FTSJ3: variants seen among roughly 807,000 people sequenced by gnomAD.
The protein encoded by FTSJ3 is pre-rRNA 2'-O-ribose RNA methyltransferase FTSJ3.
FTSJ3 carries 46 observed loss-of-function variants against 111.5 expected under a neutral mutation model. The observed-to-expected ratio is 0.41, with a 90% CI of 0.33 to 0.53. The LOEUF (loss-of-function observed/expected upper bound fraction) is 0.53. FTSJ3 is among the 20% of genes least tolerant of loss of function. The pLI is 0.19. For missense variants in FTSJ3, 1,075 were observed against 1,063.8 expected (o/e 1.01, Z -0.15); for synonymous variants, 408 against 383.0 (o/e 1.07, Z -0.76).
At chr17:63,825,902 G>T in intron 5 of FTSJ3, 154 bp downstream of exon 5, 1 of 683,744 alleles carries the variant, frequency 1.5e-6, no homozygotes, top group East Asian at 2.5e-5. Flanking sequence ...ATAAAGCCTG[G>T]AGTGGACACT....
At position 63,821,345 on chromosome 17, in the gene FTSJ3, A is replaced by C. The variant is rs1022184468; in HGVS notation, c.1886+9T>G. ...CTTTCCATCCCTTCTCTCAGCTGCAACTACTCACCTCTCTTCTTCCTCACT... is the reference window on the plus strand; with the variant it reads ...CTTTCCATCCCTTCTCTCAGCTGCACCTACTCACCTCTCTTCTTCCTCACT... On this transcript the variant is annotated intron_variant, in intron 16 of 20. Coordinates refer to ENST00000427159, the MANE Select transcript of FTSJ3 (RefSeq NM_017647.4). 1 of 1,594,304 alleles carries C rather than the reference A, an allele frequency of 6.3e-7. No individual in the cohort carries two copies. The highest frequency in any genetic ancestry group is 8.6e-7 in the Non-Finnish European group (1 of 1,169,546).
Position 63,824,699 on chromosome 17 carries a change from A to G in FTSJ3, c.855T>C (p.Ala285=), listed in dbSNP as rs1205547343. 5.6e-6 allele frequency: 9 copies of G among 1,614,042 alleles called. No homozygotes were observed. The highest frequency in any genetic ancestry group is 6.8e-6 in the Non-Finnish European group (8 of 1,180,012). Residue 285 remains alanine, a synonymous_variant, in exon 10 of 21, where the codon GCT becomes GCC. Coordinates refer to ENST00000427159, the MANE Select transcript of FTSJ3 (RefSeq NM_017647.4). ...AGCACACCCGTATGTCCTCAGTGGT[A>G]GCTGGATGCTGTGCCAACTCTTCAT... ...VDDEELAQHP[A]TTEDIRVCCQ... is the part of the protein sequence containing the mutation.
At chr17:63,823,616 A>G (rs1555576745) in intron 13 of FTSJ3, 2 of 567,854 alleles carry the variant, frequency 3.5e-6, no homozygotes, top group Non-Finnish European at 6.2e-6. Context: ...AAATAAATCT[A>G]TCACACTCAT....
rs769382758 is a variant in FTSJ3 at position 63,826,111 on chromosome 17, G to A, written c.245C>T (p.Pro82Leu). The A allele has an allele frequency of 1.2e-6, 2 of 1,614,002 alleles. No homozygotes were observed. The highest frequency in any genetic ancestry group is 1.6e-4 in the Middle Eastern group (1 of 6,062). The change falls in exon 5 of 21, where the codon CCT becomes CTT. Residue 82 changes from proline (P) to leucine (L), a missense_variant. By Grantham distance (98) the Pro-to-Leu change is moderately conservative. This residue lies in a region of FTSJ3 where 208 missense variants were observed against 266.9 expected (regional missense o/e 0.78). Coordinates refer to ENST00000427159, the MANE Select transcript of FTSJ3 (RefSeq NM_017647.4). Reference sequence around the variant, plus strand: ...CTGGAGAGTCACCACATTGGGGAGAGGCTTGATTGGAACCAGGTCCACTCC... The same window carrying A: ...CTGGAGAGTCACCACATTGGGGAGAAGCTTGATTGGAACCAGGTCCACTCC... ...IVGVDLVPIKPLPNVVTLQQD... is the reference protein window; with the variant it reads ...IVGVDLVPIKLLPNVVTLQQD...
rs1243832073 is a variant in FTSJ3, at chr17:63,825,598, A to AC, written c.337dup (p.Val113GlyfsTer5). On this transcript the variant is annotated frameshift_variant, in exon 6 of 21. Coordinates refer to ENST00000427159, the MANE Select transcript of FTSJ3 (RefSeq NM_017647.4). LOFTEE classifies it high-confidence loss of function. Reference sequence around the variant, plus strand: ...GTTGGGGGCCCCATCATTGAGCACAACATCAACCTTCCAGGTCTTCAGCTC... The same window carrying AC: ...GTTGGGGGCCCCATCATTGAGCACAACCATCAACCTTCCAGGTCTTCAGCTC... 1.2e-6 allele frequency: 2 copies of AC among 1,614,206 alleles called. No homozygotes were observed. The highest frequency in any genetic ancestry group is 8.5e-7 in the Non-Finnish European group (1 of 1,180,024).
At chr17:63,827,019 C>T in intron 1 of FTSJ3, 33 bp downstream of exon 1, 1 of 871,760 alleles carries the variant, frequency 1.1e-6, no homozygotes, top group South Asian at 1.4e-5. Context: ...CTTCCCGCAG[C>T]AATTCCACCC....
chr17:63,824,944 G>A lies in FTSJ3; in HGVS notation c.712-15C>T. 1 of 1,577,056 alleles carries A rather than the reference G, an allele frequency of 6.3e-7. No individual in the cohort carries two copies. Among genetic ancestry groups the A allele is most frequent in the Non-Finnish European group, 8.6e-7 (1 of 1,160,954 alleles). ...TAGCCTTCAGCCTTAGGAAGGAAAA[G>A]AGAGAAGCTTGGTCAGGCCCTTCTA... On this transcript the variant is annotated splice_polypyrimidine_tract_variant and intron_variant, in intron 8 of 20. Transcript: ENST00000427159.
Position 63,827,191 on chromosome 17 carries a change from T to C in FTSJ3, c.-166A>G. ...TGTGGCCCTAGATTGTTCTCAATAC[T>C]CTGTCCTTGGGTTTTGTAAGTTGAA... On this transcript the variant is annotated 5_prime_UTR_variant, in exon 1 of 21. Coordinates refer to ENST00000427159, the MANE Select transcript of FTSJ3 (RefSeq NM_017647.4). 1 of 604,514 alleles carries C rather than the reference T, an allele frequency of 1.7e-6. No homozygotes were observed. The highest frequency in any genetic ancestry group is 2.9e-6 in the Non-Finnish European group (1 of 341,402). 37.4% of individuals were successfully genotyped at this position (604,514 alleles called of 1,614,324 possible).
At chr17:63,821,171 A>C (rs2040047562) in intron 16 of FTSJ3, 56 bp from the exon 17 acceptor site, 1 of 1,588,644 alleles carries the variant, frequency 6.3e-7, no homozygotes, top group Non-Finnish European at 8.6e-7. Flanking sequence ...CTCAGACCGC[A>C]CTCCCACGGA....
At position 63,827,202 on chromosome 17, in the gene FTSJ3, GT is replaced by G. The variant is rs1232102286; in HGVS notation, c.-178del. 1.3e-5 allele frequency: 8 copies of G among 604,978 alleles called. No individual in the cohort carries two copies. Among genetic ancestry groups the G allele is most frequent in the Middle Eastern group, 4.3e-4 (1 of 2,310 alleles). 37.5% of individuals were successfully genotyped at this position (604,978 alleles called of 1,614,324 possible). On this transcript the variant is annotated 5_prime_UTR_variant, in exon 1 of 21. Transcript: ENST00000427159. The stretch of plus-strand genomic sequence containing the variant: ...ATTGTTCTCAATACTCTGTCCTTGG[GT>G]TTTGTAAGTTGAAAGTTGAGACTAG...
rs775461032 is a variant in FTSJ3 at position 63,821,858 on chromosome 17, G to A, written c.1476-15C>T. On this transcript the variant is annotated splice_polypyrimidine_tract_variant and intron_variant, in intron 14 of 20. Transcript: ENST00000427159. ...TAAGTCGCATACTGTAGACCCAAAG[G>A]AAAGTAGGGGGCTCAGAGACCCAGA... 6.2e-7 allele frequency: 1 copy of A among 1,613,958 alleles called. No individual in the cohort carries two copies.
Position 63,827,033 on chromosome 17 carries a change from G to A in FTSJ3, c.-27+19C>T. 6.2e-6 allele frequency: 5 copies of A among 811,218 alleles called. No individual in the cohort carries two copies. Among genetic ancestry groups the A allele is most frequent in the South Asian group, 5.9e-5 (4 of 68,260 alleles). 50.3% of individuals were successfully genotyped at this position (811,218 alleles called of 1,614,324 possible). A position where few individuals can be genotyped will look rare whatever the true frequency, so the allele number is the denominator to read the frequency against. ...ACTTCCCGCAGCAATTCCACCCCGC[G>A]CCCCTCTCCGCACACTACCTAGACC... On this transcript the variant is annotated intron_variant, in intron 1 of 20. Coordinates refer to ENST00000427159, the MANE Select transcript of FTSJ3 (RefSeq NM_017647.4).
In FTSJ3 at chr17:63,822,103, C is replaced by T; in HGVS notation, c.1356G>A (p.Arg452=). ...CAACATCTGACACATAGATATCATC[C>T]CTTGGCAGATCGGACAGAAATGTGT... ...AADTFLSDLP[R]DDIYVSDVED... Residue 452 remains arginine (R), a synonymous_variant, in exon 14 of 21, where the codon AGG becomes AGA. Coordinates refer to ENST00000427159, the MANE Select transcript of FTSJ3 (RefSeq NM_017647.4). 1.2e-6 allele frequency: 2 copies of T among 1,614,208 alleles called. No individual in the cohort carries two copies. The highest frequency in any genetic ancestry group is 1.7e-6 in the Non-Finnish European group (2 of 1,180,030).
Position 63,825,333 on chromosome 17 carries a change from T to C in FTSJ3, c.504A>G (p.Leu168=). 6.2e-7 allele frequency: 1 copy of C among 1,614,166 alleles called. No individual in the cohort carries two copies. Among genetic ancestry groups the C allele is most frequent in the Non-Finnish European group, 8.5e-7 (1 of 1,180,020 alleles). The part of the protein sequence containing the change: ...VFRSRDYQPL[L]WIFQQLFRRV... ...GGCGGAACAGCTGCTGAAAGATCCA[T>C]AGCAGAGGCTGATAGTCACGAGAAC... The change falls in exon 7 of 21, where the codon CTA becomes CTG. Residue 168 remains leucine, a synonymous_variant. Coordinates refer to ENST00000427159, the MANE Select transcript of FTSJ3 (RefSeq NM_017647.4).
chr17:63,825,099 A>G lies in FTSJ3; in HGVS notation c.660T>C (p.Val220=), dbSNP rs770189189. ...FFDPKFAFKE[V]EVQAKTVTEL... ...CAGTAACGGTCTTAGCCTGAACTTC[A>G]ACCTCCTTAAAGGCAAATTTGGGGT... The change falls in exon 8 of 21, where the codon GTT becomes GTC. Residue 220 remains valine (V), a synonymous_variant. Transcript: ENST00000427159. 5 of 1,614,214 alleles carry G rather than the reference A, an allele frequency of 3.1e-6. No individual in the cohort carries two copies. Among genetic ancestry groups the G allele is most frequent in the South Asian group, 2.2e-5 (2 of 91,086 alleles).
In FTSJ3 at chr17:63,827,271, A is replaced by C; in HGVS notation, c.-246T>G. The C allele has an allele frequency of 1.6e-6, 1 of 622,192 alleles. No homozygotes were observed. The highest frequency in any genetic ancestry group is 2.8e-6 in the Non-Finnish European group (1 of 354,140). The allele number at this position is 622,192 out of a possible 1,614,324, so 38.5% of individuals were successfully genotyped here. ...ACTATAAACAGAGTTTCAATGAGGC[A>C]ACACTGAGGAGGAGTTCTACTCCTT... On this transcript the variant is annotated 5_prime_UTR_variant, in exon 1 of 21. Transcript: ENST00000427159.
chr17:63,826,980 ACTTCCAGTTTCC>A (rs2040112969), intron 1 of FTSJ3, 52 bp from the exon 2 acceptor site: 2 of 190,672 alleles, frequency 1.0e-5, no homozygotes, highest in Non-Finnish European at 1.4e-5. Context: ...ACCAGATTCC[ACTTCCAGTTTCC>A]CACTTCCAGT....
rs1408434950 is a variant in FTSJ3 at position 63,822,675 on chromosome 17, A to G, written c.1291-507T>C. ...TATGGTGGCTCACACCTGTAATCTC[A>G]GCATTTTGGGAGGCTGAGGCAGGAG... On this transcript the variant is annotated intron_variant, in intron 13 of 20. Transcript: ENST00000427159. 2.6e-5 allele frequency among the ~76,000 whole-genome samples: 4 copies of G among 152,154 alleles called. No individual in the cohort carries two copies. In the East Asian group the frequency reaches 7.7e-4, roughly 29 times the overall value.
chr17:63,820,594 C>T (rs572969576), intron 18 of FTSJ3, among the ~76,000 whole-genome samples, 156 bp from the exon 19 acceptor site: 192 of 152,268 alleles, frequency 1.3e-3, no homozygotes, highest in Middle Eastern at 0.01. Flanking sequence ...GCCTGGCCAA[C>T]ATGGTGAAAC....
Sources: gnomAD v4.1 joint callset for allele counts (sites outside exome capture counted in the v4.1 genomes callset) on GRCh38, gnomAD v4.1.1 for gene constraint, gnomAD v4.1.1 regional missense constraint, MANE v1.5 for transcripts, NCBI Gene and HGNC (gene_info 2026-07-23, HGNC 2026-07-21) for gene names.